Variants in LRP1B observed in about 807,000 individuals in gnomAD.
LRP1B encodes the protein LDL receptor related protein 1B, also known as low-density lipoprotein receptor-related protein 1B.
LRP1B carries 217 observed loss-of-function variants against 556.6 expected under a neutral mutation model. That is an observed-to-expected ratio of 0.39 (90% CI 0.35 to 0.44). LRP1B has a LOEUF of 0.44. Ranked by LOEUF, LRP1B falls within the 20% of genes least tolerant of loss-of-function variation. LRP1B has a pLI of 1.00. For synonymous variants in LRP1B, 2,047 were observed against 1,865.8 expected (o/e 1.10, Z -2.50); for missense variants, 5,053 against 5,620.8 (o/e 0.90, Z 3.23).
At chr2:141,684,660 A>G (rs951781199) in intron 2 of LRP1B, among the ~76,000 whole-genome samples, 13 of 152,080 alleles carry the variant, frequency 8.5e-5, no homozygotes, top group African/African-American at 3.1e-4. Flanking sequence ...CAAGTAGCTG[A>G]TGAATTCCTT....
intron 22 of LRP1B, 40 bp from the exon 23 acceptor site, chr2:140,903,205 G>T: frequency 6.3e-7 from 1 of 1,596,948 alleles, no homozygotes; most frequent in South Asian, 1.1e-5. Context: ...CTTATCAATT[G>T]CTTTCCTCAG....
At chr2:140,660,901 T>G (rs1343863599) in intron 41 of LRP1B, among the ~76,000 whole-genome samples, 4 of 151,768 alleles carry the variant, frequency 2.6e-5, no homozygotes, top group Admixed American at 2.6e-4. Context: ...CTCATTTTTA[T>G]TGCATTTAGA....
At chr2:140,324,135 C>A (rs2105060012) in intron 80 of LRP1B, 69 bp from the exon 81 acceptor site, 4 of 937,414 alleles carry the variant, frequency 4.3e-6, no homozygotes, top group East Asian at 2.5e-5. Context: ...CTATGTTTAT[C>A]CAAGACGATA....
intron 41 of LRP1B, among the ~76,000 whole-genome samples, chr2:140,678,820 C>T (rs1404307821): frequency 1.3e-5 from 2 of 150,942 alleles, no homozygotes; most frequent in African/African-American, 2.4e-5. Context: ...CTCTGTCGCC[C>T]GGGCTGGAGT....
chr2:140,857,299 T>A (rs962623784), intron 27 of LRP1B, among the ~76,000 whole-genome samples: 1 of 152,178 alleles, frequency 6.6e-6, no homozygotes, highest in Admixed American at 6.5e-5. Context: ...TCATTTTTGA[T>A]AGTAACTAAT....
intron 84 of LRP1B, among the ~76,000 whole-genome samples, chr2:140,294,386 T>A (rs760853449): frequency 7.2e-5 from 11 of 152,230 alleles, no homozygotes; most frequent in Non-Finnish European, 1.2e-4. Context: ...TTTATTTGTG[T>A]GATTCTTTGT....
At chr2:140,235,056 AT>A (rs1680637307) in intron 89 of LRP1B, 172 bp from the exon 90 acceptor site, 1 of 403,538 alleles carries the variant, frequency 2.5e-6, no homozygotes, top group Non-Finnish European at 4.4e-6. Context: ...AATATCCAAT[AT>A]TAATATTATT....
chr2:141,251,030 C>T (rs1172866781), intron 4 of LRP1B, among the ~76,000 whole-genome samples: 1 of 152,084 alleles, frequency 6.6e-6, no homozygotes, highest in African/African-American at 2.4e-5. Flanking sequence ...TACAAATTGT[C>T]TTGTTTGCAT....
intron 35 of LRP1B, among the ~76,000 whole-genome samples, chr2:140,744,590 C>T (rs970052571): frequency 6.6e-6 from 1 of 152,228 alleles, no homozygotes; most frequent in African/African-American, 2.4e-5. Context: ...CATCTCAGGG[C>T]TTACTGTACC....
intron 86 of LRP1B, among the ~76,000 whole-genome samples, chr2:140,259,293 A>G (rs1681828580): frequency 6.6e-6 from 1 of 152,096 alleles, no homozygotes; most frequent in Non-Finnish European, 1.5e-5. Context: ...AACATACAAC[A>G]AACAAAAGGC....
intron 60 of LRP1B, among the ~76,000 whole-genome samples, chr2:140,474,599 C>T (rs1295018220): frequency 6.6e-6 from 1 of 151,888 alleles, no homozygotes; most frequent in Non-Finnish European, 1.5e-5. Context: ...TCATTTGTGG[C>T]TTCTGCTATA....
chr2:142,097,997 T>C (rs1361224831), intron 1 of LRP1B, among the ~76,000 whole-genome samples: 1 of 151,758 alleles, frequency 6.6e-6, no homozygotes, highest in Non-Finnish European at 1.5e-5. Context: ...TCTAATATTC[T>C]TTCTTGTATA....
chr2:140,902,663 A>C (rs1039429068), intron 23 of LRP1B, among the ~76,000 whole-genome samples: 2 of 152,208 alleles, frequency 1.3e-5, no homozygotes, highest in African/African-American at 4.8e-5. Context: ...AAACGAGCCC[A>C]TCCGGGATAT....
chr2:140,581,392 C>G (rs1438272633), intron 43 of LRP1B, among the ~76,000 whole-genome samples: 1 of 152,068 alleles, frequency 6.6e-6, no homozygotes, highest in Non-Finnish European at 1.5e-5. Context: ...GCTTTTTGTC[C>G]TTCTCAGCAC....
rs551516993 is a variant in LRP1B, at chr2:141,723,425, A to G, written c.205+86854T>C. 7.3e-5 allele frequency among the ~76,000 whole-genome samples: 11 copies of G among 151,536 alleles called. 1 individual carries two copies. The highest frequency in any genetic ancestry group is 2.7e-4 in the African/African-American group (11 of 41,500). ...TATAGTTGCCTCACATGTTGTACAG[A>G]TGCAAATTTACTTAATTCTTTGGGT... On this transcript the variant is annotated intron_variant, in intron 2 of 90. Transcript: ENST00000389484.
chr2:140,888,977 A>C (rs183811363), intron 23 of LRP1B, among the ~76,000 whole-genome samples: 12 of 151,094 alleles, frequency 7.9e-5, no homozygotes, highest in African/African-American at 2.5e-4. Flanking sequence ...AAAAAAAAAA[A>C]AAACTTGAAA....
At chr2:140,258,723 C>G (rs148418099) in intron 86 of LRP1B, among the ~76,000 whole-genome samples, 1 of 151,872 alleles carries the variant, frequency 6.6e-6, no homozygotes, top group Non-Finnish European at 1.5e-5. Flanking sequence ...TAGCAATTTC[C>G]GTATTAAGAT....
At chr2:140,827,178 C>A (rs748835860) in intron 31 of LRP1B, among the ~76,000 whole-genome samples, 5 of 152,094 alleles carry the variant, frequency 3.3e-5, no homozygotes, top group Non-Finnish European at 7.4e-5. Flanking sequence ...ACAAGCCAGA[C>A]ACAAGTAAAG....
At position 141,043,930 on chromosome 2, in the gene LRP1B, A is replaced by G. The variant is rs1292185634; in HGVS notation, c.1789+5056T>C. ...ATTGGAAAAAACTACTTTAAAGTTC[A>G]TATGGAACCAAAAAAGAGCTCGCAT... is the stretch of plus-strand genomic sequence containing the variant. On this transcript the variant is annotated intron_variant, in intron 11 of 90. Coordinates refer to ENST00000389484, the MANE Select transcript of LRP1B (RefSeq NM_018557.3). Among the ~76,000 whole-genome samples the G allele has an allele frequency of 2.6e-5, 4 of 151,984 alleles. No individual in the cohort carries two copies. The East Asian group carries it at 7.7e-4, about 29-fold the overall frequency.
Sources: gnomAD v4.1 joint callset for allele counts (sites outside exome capture counted in the v4.1 genomes callset) on GRCh38, gnomAD v4.1.1 for gene constraint, MANE v1.5 for transcripts, NCBI Gene and HGNC (gene_info 2026-07-23, HGNC 2026-07-21) for gene names.